The following JMJD1C variants were observed in gnomAD, a reference collection of about 807,000 sequenced individuals.
JMJD1C encodes jumonji domain-containing protein 1C.
JMJD1C carries 31 observed loss-of-function variants against 245.3 expected under a neutral mutation model. The observed-to-expected ratio is 0.13, with a 90% CI of 0.09 to 0.17. The LOEUF (loss-of-function observed/expected upper bound fraction) is 0.17. Ranked by LOEUF, JMJD1C falls within the 10% of genes least tolerant of loss-of-function variation. The pLI, the probability that JMJD1C is intolerant of heterozygous loss-of-function variation, is 1.00. For missense variants in JMJD1C, 2,691 were observed against 3,000.2 expected, an observed-to-expected ratio of 0.90 and a Z score of 2.41; for synonymous variants, 1,057 against 1,017.4, an observed-to-expected ratio of 1.04 and a Z score of -0.74.
intron 2 of JMJD1C, among the ~76,000 whole-genome samples, chr10:63,349,184 C>A (rs1472670216): frequency 6.9e-6 from 1 of 145,556 alleles, no homozygotes; most frequent in Non-Finnish European, 1.5e-5. Context: ...TAAAAGGAAG[C>A]TCCCCAAAGC....
chr10:63,401,522 T>A (rs940158859), intron 1 of JMJD1C, among the ~76,000 whole-genome samples: 1 of 152,156 alleles, frequency 6.6e-6, no homozygotes, highest in South Asian at 2.1e-4. Context: ...GTTACTGATT[T>A]CAAATTTAAT....
At chr10:63,297,655 C>G (rs1256547099) in intron 2 of JMJD1C, among the ~76,000 whole-genome samples, 1 of 152,166 alleles carries the variant, frequency 6.6e-6, no homozygotes, top group Non-Finnish European at 1.5e-5. Context: ...GTTCCCAAAG[C>G]CAGAGCTTCC....
intron 2 of JMJD1C, among the ~76,000 whole-genome samples, chr10:63,356,906 C>T (rs1378890130): frequency 2.6e-5 from 4 of 152,156 alleles, no homozygotes; most frequent in African/African-American, 7.2e-5. Context: ...ATTAACTACC[C>T]TATGCCTGTT....
At position 63,207,090 on chromosome 10, in the gene JMJD1C, T is replaced by C. The variant is rs371764552; in HGVS notation, c.4579A>G (p.Ile1527Val). Residue 1527 changes from isoleucine to valine, a missense_variant, in exon 10 of 26, where the codon ATT becomes GTT. Transcript: ENST00000399262. ...TTTCCTACAGAGTTTGCTTTGTTAA[T>C]TGTACTACAGATTACAGTGCTATCC... The part of the protein sequence containing the change: ...PLDSTVICST[I>V]NKANSVGNGQ... 1.9e-5 allele frequency: 31 copies of C among 1,614,090 alleles called. No individual in the cohort carries two copies. The Admixed American group carries it at 2.2e-4, about 11-fold the overall frequency.
intron 4 of JMJD1C, 124 bp from the exon 5 acceptor site, chr10:63,217,455 A>C (rs1028517389): frequency 7.0e-6 from 5 of 711,844 alleles, no homozygotes; most frequent in Middle Eastern, 8.0e-4. Context: ...TTTTCAAAAA[A>C]ATGTTTTAGA....
chr10:63,391,886 C>T (rs943114808), intron 1 of JMJD1C, among the ~76,000 whole-genome samples: 4 of 152,126 alleles, frequency 2.6e-5, no homozygotes, highest in Non-Finnish European at 5.9e-5. Flanking sequence ...ACTACACTAC[C>T]CGACTTTAAA....
chr10:63,391,726 G>A (rs953715573), intron 1 of JMJD1C, among the ~76,000 whole-genome samples: 7 of 152,012 alleles, frequency 4.6e-5, no homozygotes, highest in East Asian at 1.9e-4. Flanking sequence ...TGTCTGAAGC[G>A]ATACAAAGAT....
chr10:63,314,642 T>G (rs918315961), intron 2 of JMJD1C, among the ~76,000 whole-genome samples: 1 of 152,066 alleles, frequency 6.6e-6, no homozygotes, highest in Non-Finnish European at 1.5e-5. Context: ...TTTTTTTTTT[T>G]CAACTTTTAT....
rs542090671 is a variant in JMJD1C at position 63,465,658 on chromosome 10, G to C, written c.5C>G (p.Ala2Gly). Residue 2 changes from alanine to glycine, a missense_variant, in exon 1 of 26, where the codon GCG becomes GGG. Ala to Gly is a moderately conservative substitution (Grantham distance 60). Transcript: ENST00000399262. M[A>G]VETRAELVGK... ...CACCAGCTCTGCCCGCGTCTCTACC[G>C]CCATAGCTGTCGCTGCCGAAGCGGC... is the stretch of plus-strand genomic sequence containing the variant. The C allele has an allele frequency of 1.9e-6, 3 of 1,608,664 alleles. No individual in the cohort carries two copies. The highest frequency in any genetic ancestry group is 2.5e-6 in the Non-Finnish European group (3 of 1,179,856).
intron 2 of JMJD1C, among the ~76,000 whole-genome samples, chr10:63,347,267 C>A (rs140042261): frequency 0.013 from 2,017 of 151,964 alleles, 30 homozygotes; most frequent in African/African-American, 0.034. Context: ...CAACTTTATG[C>A]CTCCTTGTAA....
At chr10:63,409,000 T>C (rs1949335366) in intron 1 of JMJD1C, among the ~76,000 whole-genome samples, 1 of 152,140 alleles carries the variant, frequency 6.6e-6, no homozygotes, top group South Asian at 2.1e-4. Flanking sequence ...GTACATATCA[T>C]TAATTCCAAA....
chr10:63,170,777 G>A (rs561563385), intron 24 of JMJD1C, among the ~76,000 whole-genome samples: 80 of 152,262 alleles, frequency 5.3e-4, no homozygotes, highest in African/African-American at 1.9e-3. Context: ...AAAGGCTTGA[G>A]GGTTACTTTG....
intron 2 of JMJD1C, among the ~76,000 whole-genome samples, chr10:63,265,055 A>G (rs945896494): frequency 6.6e-6 from 1 of 152,160 alleles, no homozygotes; most frequent in African/African-American, 2.4e-5. Flanking sequence ...GTGTGTAAAA[A>G]TGTCTGCTTA....
chr10:63,185,672 A>AT lies in JMJD1C; in HGVS notation c.6740-20dup. The AT allele has an allele frequency of 7.3e-7, 1 of 1,377,792 alleles. No individual in the cohort carries two copies. The highest frequency in any genetic ancestry group is 1.0e-6 in the Non-Finnish European group (1 of 970,418). The allele number at this position is 1,377,792 out of a possible 1,614,324, so 85.3% of individuals were successfully genotyped here. A position where few individuals can be genotyped will look rare whatever the true frequency, so the allele number is the denominator to read the frequency against. On this transcript the variant is annotated intron_variant, in intron 19 of 25. Coordinates refer to ENST00000399262, the MANE Select transcript of JMJD1C (RefSeq NM_032776.3). ...TGCCGTTCTATAAGGAATGCAGTTA[A>AT]TTACTAAAAGGGTAATTTCTGCCTT...
In JMJD1C at chr10:63,337,076, G is replaced by A. The variant is rs573115522; in HGVS notation, c.333+43242C>T. Among the ~76,000 whole-genome samples the A allele has an allele frequency of 1.6e-4, 25 of 151,954 alleles. No individual in the cohort carries two copies. In the South Asian group the frequency reaches 5.0e-3, roughly 30 times the overall value. On this transcript the variant is annotated intron_variant, in intron 2 of 25. Transcript: ENST00000399262. ...GGCTCGTCTCAAGCTCCTGACCTCA[G>A]GTGATCCGTCCACCTTGGCCTCCCA...
chr10:63,357,466 T>C (rs1364532728), intron 2 of JMJD1C, among the ~76,000 whole-genome samples: 3 of 151,804 alleles, frequency 2.0e-5, no homozygotes, highest in Admixed American at 6.6e-5. Context: ...CCACCACACC[T>C]GGTTAATTTT....
intron 1 of JMJD1C, among the ~76,000 whole-genome samples, chr10:63,410,453 G>GA (rs1233442121): frequency 1.3e-5 from 2 of 152,160 alleles, no homozygotes; most frequent in Admixed American, 1.3e-4. Flanking sequence ...TGAGGTGAAA[G>GA]AAAGTGATAA....
At chr10:63,291,262 A>G (rs925478420) in intron 2 of JMJD1C, among the ~76,000 whole-genome samples, 5 of 119,452 alleles carry the variant, frequency 4.2e-5, no homozygotes, top group African/African-American at 1.7e-4. Flanking sequence ...GAGCTGAGAT[A>G]GCGCCATTGC....
intron 1 of JMJD1C, among the ~76,000 whole-genome samples, chr10:63,444,117 C>A (rs1951550882): frequency 6.6e-6 from 1 of 152,130 alleles, no homozygotes; most frequent in South Asian, 2.1e-4. Context: ...AGAGTCAATT[C>A]ATAACAGTAA....
Sources: gnomAD v4.1 joint callset for allele counts (sites outside exome capture counted in the v4.1 genomes callset) on GRCh38, gnomAD v4.1.1 for gene constraint, MANE v1.5 for transcripts, NCBI Gene and HGNC (gene_info 2026-07-23, HGNC 2026-07-21) for gene names.